The following CECR2 variants were observed in gnomAD, a reference collection of about 807,000 sequenced individuals.
CECR2 encodes CECR2 histone acetyl-lysine reader.
A neutral mutation model predicts 154.5 loss-of-function variants in CECR2; 30 were observed. The observed-to-expected ratio is 0.19, with a 90% CI of 0.15 to 0.26. The LOEUF is 0.26. Ranked by LOEUF, CECR2 falls within the 10% of genes least tolerant of loss-of-function variation. CECR2 has a pLI of 1.00. For synonymous variants in CECR2, 725 were observed against 683.7 expected (o/e 1.06, Z -0.94); for missense variants, 1,743 against 1,829.3 (o/e 0.95, Z 0.86).
chr22:17,520,535 A>C (rs1426456782), intron 8 of CECR2, among the ~76,000 whole-genome samples: 1 of 152,024 alleles, frequency 6.6e-6, no homozygotes, highest in Non-Finnish European at 1.5e-5. Context: ...TCAACTCATC[A>C]TTTACATTAG....
At chr22:17,536,529 A>C (rs1167503476) in intron 9 of CECR2, among the ~76,000 whole-genome samples, 1 of 152,222 alleles carries the variant, frequency 6.6e-6, no homozygotes, top group Non-Finnish European at 1.5e-5. Context: ...CTTCCCAGCC[A>C]AAATCCCACT....
chr22:17,508,183 G>A (rs73876460), intron 7 of CECR2, among the ~76,000 whole-genome samples: 6,862 of 152,082 alleles, frequency 0.045, 495 homozygotes, highest in African/African-American at 0.15. Flanking sequence ...ATTTCCTATC[G>A]TCATAGCCTT....
At chr22:17,458,056 G>A (rs1305351493) in intron 1 of CECR2, among the ~76,000 whole-genome samples, 1 of 152,174 alleles carries the variant, frequency 6.6e-6, no homozygotes, top group Non-Finnish European at 1.5e-5. Flanking sequence ...AGGGAGCCCT[G>A]TGGTGATAGC....
chr22:17,545,307 G>A (rs565604571), intron 16 of CECR2, among the ~76,000 whole-genome samples: 7 of 140,496 alleles, frequency 5.0e-5, no homozygotes, highest in South Asian at 4.6e-4. Flanking sequence ...CCCGGGAGGC[G>A]GAGCTTGCAG....
chr22:17,491,581 GT>G (rs66496629), intron 2 of CECR2, among the ~76,000 whole-genome samples: 14,243 of 52,308 alleles, frequency 0.27, 1,858 homozygotes, highest in Non-Finnish European at 0.4. Context: ...GTGTGTGTGT[GT>G]GGGGGGGTGG....
At chr22:17,521,360 G>A (rs2056154182) in intron 8 of CECR2, among the ~76,000 whole-genome samples, 2 of 152,144 alleles carry the variant, frequency 1.3e-5, no homozygotes, top group Admixed American at 1.3e-4. Context: ...CTAACACAGT[G>A]ATACCCCGTC....
At chr22:17,370,088 C>T (rs2063037017) in intron 1 of CECR2, among the ~76,000 whole-genome samples, 179 bp downstream of exon 1, 1 of 150,684 alleles carries the variant, frequency 6.6e-6, no homozygotes, top group South Asian at 2.1e-4. Flanking sequence ...CGGGCTGTGC[C>T]CGGGTGCCGA....
At chr22:17,532,786 C>T (rs2056378797) in intron 9 of CECR2, among the ~76,000 whole-genome samples, 1 of 122,942 alleles carries the variant, frequency 8.1e-6, no homozygotes, top group East Asian at 2.7e-4. Flanking sequence ...GGTGCGATCT[C>T]GGCTCACTGC....
At chr22:17,421,528 T>C (rs901417979) in intron 1 of CECR2, among the ~76,000 whole-genome samples, 2 of 138,756 alleles carry the variant, frequency 1.4e-5, no homozygotes, top group East Asian at 4.3e-4. Context: ...GGCAGGAGAA[T>C]GGCGTGAACC....
In CECR2 at chr22:17,477,466, C is replaced by G. The variant is rs548270503; in HGVS notation, c.127-122C>G. On this transcript the variant is annotated intron_variant, in intron 1 of 18. Coordinates refer to ENST00000262608, the MANE Select transcript of CECR2 (RefSeq NM_001290047.2). ...CCAGAAGGAAGGGCAGAGCTGATCT[C>G]TGGCAAGTCCTTCCGCTGCTGGGAC... The G allele has an allele frequency of 5.9e-5, 41 of 696,612 alleles. No homozygotes were observed. The South Asian group carries it at 6.2e-4, about 11-fold the overall frequency. The allele number at this position is 696,612 out of a possible 1,614,324, so 43.2% of individuals were successfully genotyped here. A position where few individuals can be genotyped will look rare whatever the true frequency, so the allele number is the denominator to read the frequency against.
intron 18 of CECR2, 74 bp downstream of exon 18, chr22:17,552,216 G>C: frequency 7.4e-7 from 1 of 1,355,900 alleles, no homozygotes; most frequent in Non-Finnish European, 1.0e-6. Flanking sequence ...CAACCTTGCT[G>C]TTCTGAAAAA....
chr22:17,485,026 C>G (rs1454254952), intron 2 of CECR2, among the ~76,000 whole-genome samples: 1 of 152,190 alleles, frequency 6.6e-6, no homozygotes, highest in African/African-American at 2.4e-5. Flanking sequence ...TTCAACCGTA[C>G]TCTCCAACCT....
At chr22:17,386,995 TTGAC>T (rs2063270679) in intron 1 of CECR2, among the ~76,000 whole-genome samples, 1 of 152,208 alleles carries the variant, frequency 6.6e-6, no homozygotes, top group Non-Finnish European at 1.5e-5. Flanking sequence ...TTATTCTTGT[TTGAC>T]TGTTGATTGT....
intron 2 of CECR2, among the ~76,000 whole-genome samples, chr22:17,480,135 A>AT (rs1285901746): frequency 2.6e-5 from 4 of 151,316 alleles, no homozygotes; most frequent in Admixed American, 6.6e-5. Context: ...ATTGGCCTTG[A>AT]TTTTTTTCTT....
At chr22:17,457,891 A>G (rs530278367) in intron 1 of CECR2, among the ~76,000 whole-genome samples, 1 of 152,372 alleles carries the variant, frequency 6.6e-6, no homozygotes, top group South Asian at 2.1e-4. Flanking sequence ...TGAGTGAAAG[A>G]AAGCTAATCT....
intron 1 of CECR2, among the ~76,000 whole-genome samples, chr22:17,427,589 A>G (rs1005541537): frequency 1.3e-5 from 2 of 152,098 alleles, no homozygotes; most frequent in Admixed American, 1.3e-4. Context: ...AGTGAGTGTT[A>G]CAGCTTTTAA....
rs780704762 is a variant in CECR2, at chr22:17,552,127, A to G, written c.4374A>G (p.Thr1458=). 42 of 1,613,712 alleles carry G rather than the reference A, an allele frequency of 2.6e-5. No individual in the cohort carries two copies. Among genetic ancestry groups the G allele is most frequent in the Non-Finnish European group, 3.4e-5 (40 of 1,179,802 alleles). ...AGGTGCCGCCTCATAAGCCTCCAAC[A>G]CTTCCCCTGGATCAGGTAAGGATCA... ...QEEVPPHKPP[T]LPLDQS is the part of the protein sequence containing the mutation. The change falls in exon 18 of 19, where the codon ACA becomes ACG. Residue 1458 remains threonine, a synonymous_variant. Transcript: ENST00000262608.
intron 7 of CECR2, among the ~76,000 whole-genome samples, chr22:17,505,598 A>G (rs1601477143): frequency 1.4e-5 from 2 of 139,594 alleles, no homozygotes; most frequent in South Asian, 4.4e-4. Flanking sequence ...CAGCGGTGCA[A>G]TCTGAGTTCA....
intron 1 of CECR2, among the ~76,000 whole-genome samples, chr22:17,384,285 T>C (rs2063234519): frequency 6.6e-6 from 1 of 152,222 alleles, no homozygotes; most frequent in African/African-American, 2.4e-5. Flanking sequence ...GGTCTCGCTG[T>C]GTTGCCCAGA....
Sources: allele counts gnomAD v4.1 joint callset (sites outside exome capture counted in the v4.1 genomes callset), GRCh38; gene constraint gnomAD v4.1.1; transcripts MANE v1.5; gene names NCBI Gene and HGNC (gene_info 2026-07-23, HGNC 2026-07-21).